LRRC4C: variants seen among roughly 807,000 people sequenced by gnomAD.
The protein encoded by LRRC4C is leucine rich repeat containing 4C, also known as leucine-rich repeat-containing protein 4C.
In LRRC4C, 5 loss-of-function variants were observed where a neutral mutation model predicts 33.6. That is an observed-to-expected ratio of 0.15 (90% confidence interval 0.08 to 0.31). The LOEUF is 0.31. Ranked by LOEUF, LRRC4C falls within the 10% of genes least tolerant of loss-of-function variation. The pLI is 1.00. For synonymous variants in LRRC4C, 329 were observed against 302.0 expected, an observed-to-expected ratio of 1.09 and a Z score of -0.93; for missense variants, 560 against 796.7, an observed-to-expected ratio of 0.70 and a Z score of 3.58.
chr11:40,408,130 C>T (rs1950025578), intron 3 of LRRC4C, among the ~76,000 whole-genome samples: 1 of 151,968 alleles, frequency 6.6e-6, no homozygotes, highest in Non-Finnish European at 1.5e-5. Context: ...GAGATTCCTA[C>T]TGAAGCTCTT....
At chr11:41,256,895 AGCTCCAGAG>A (rs1197079182) in intron 1 of LRRC4C, among the ~76,000 whole-genome samples, 2 of 152,058 alleles carry the variant, frequency 1.3e-5, no homozygotes, top group Admixed American at 6.6e-5. Context: ...TTATATATAA[AGCTCCAGAG>A]GTCTTCAGAC....
chr11:40,866,939 C>T (rs1954396565), intron 2 of LRRC4C, among the ~76,000 whole-genome samples: 1 of 151,994 alleles, frequency 6.6e-6, no homozygotes, highest in African/African-American at 2.4e-5. Flanking sequence ...TATATTTGCT[C>T]CTTTTGTTCC....
chr11:41,159,987 T>C (rs1944395669), intron 1 of LRRC4C, among the ~76,000 whole-genome samples: 1 of 151,700 alleles, frequency 6.6e-6, no homozygotes, highest in African/African-American at 2.4e-5. Flanking sequence ...CTCCAGAAAA[T>C]AGAGACCAAA....
At chr11:40,973,357 A>G (rs1420511733) in intron 1 of LRRC4C, among the ~76,000 whole-genome samples, 1 of 152,172 alleles carries the variant, frequency 6.6e-6, no homozygotes, top group Non-Finnish European at 1.5e-5. Context: ...AAATAAAGGA[A>G]ACAAACAAAA....
chr11:40,490,299 T>TAATAA (rs1466033259), intron 3 of LRRC4C, among the ~76,000 whole-genome samples: 1 of 152,132 alleles, frequency 6.6e-6, no homozygotes, highest in East Asian at 1.9e-4. Flanking sequence ...AAAGCACTCA[T>TAATAA]CTGCCTTTTC....
intron 2 of LRRC4C, among the ~76,000 whole-genome samples, chr11:40,751,326 T>C (rs1348349678): frequency 6.6e-6 from 1 of 152,082 alleles, no homozygotes; most frequent in Non-Finnish European, 1.5e-5. Flanking sequence ...GAAAGTCAAA[T>C]TGCCCCTCTG....
chr11:40,957,807 A>G (rs1959028536), intron 1 of LRRC4C, among the ~76,000 whole-genome samples: 1 of 151,642 alleles, frequency 6.6e-6, no homozygotes, highest in Non-Finnish European at 1.5e-5. Flanking sequence ...ATTTCTGCCA[A>G]TTTCCATTCT....
intron 5 of LRRC4C, among the ~76,000 whole-genome samples, chr11:40,145,527 C>T (rs1027433609): frequency 2.6e-5 from 4 of 152,078 alleles, no homozygotes; most frequent in Admixed American, 2.6e-4. Flanking sequence ...CGGAATAGTT[C>T]ATTCAGTTAC....
At chr11:40,730,347 T>G (rs943508083) in intron 2 of LRRC4C, among the ~76,000 whole-genome samples, 1 of 152,102 alleles carries the variant, frequency 6.6e-6, no homozygotes, top group South Asian at 2.1e-4. Flanking sequence ...AACCACTACA[T>G]TTTTTCTGTT....
intron 1 of LRRC4C, among the ~76,000 whole-genome samples, chr11:41,017,565 C>T (rs747833436): frequency 5.3e-5 from 8 of 151,768 alleles, no homozygotes; most frequent in Non-Finnish European, 8.8e-5. Flanking sequence ...ATCTAGAGAC[C>T]GAGGTTATAG....
At chr11:40,765,687 TA>T (rs1949417076) in intron 2 of LRRC4C, among the ~76,000 whole-genome samples, 1 of 151,728 alleles carries the variant, frequency 6.6e-6, no homozygotes, top group South Asian at 2.1e-4. Context: ...ATGTATATAC[TA>T]AAGATATATC....
intron 2 of LRRC4C, among the ~76,000 whole-genome samples, chr11:40,781,147 AG>A (rs1216186944): frequency 2.0e-5 from 3 of 152,130 alleles, no homozygotes; most frequent in Non-Finnish European, 4.4e-5. Context: ...TGAATATGGC[AG>A]GCAATTGTAA....
At chr11:41,392,396 A>C (rs192314551) in intron 1 of LRRC4C, among the ~76,000 whole-genome samples, 6 of 151,934 alleles carry the variant, frequency 3.9e-5, no homozygotes, top group African/African-American at 1.2e-4. Flanking sequence ...TGGGCTCTGT[A>C]TATTTCAATA....
chr11:40,790,153 A>T (rs138285726), intron 2 of LRRC4C, among the ~76,000 whole-genome samples: 1 of 152,322 alleles, frequency 6.6e-6, no homozygotes, highest in East Asian at 1.9e-4. Flanking sequence ...ACCCACAGAA[A>T]ATATTTCGTA....
intron 2 of LRRC4C, among the ~76,000 whole-genome samples, chr11:40,800,054 A>G (rs2135268044): frequency 6.6e-6 from 1 of 152,338 alleles, no homozygotes; most frequent in South Asian, 2.1e-4. Flanking sequence ...ACAATGTTTT[A>G]GTACAGATAT....
intron 2 of LRRC4C, among the ~76,000 whole-genome samples, chr11:40,818,435 A>G (rs1951793346): frequency 2.0e-5 from 3 of 152,124 alleles, no homozygotes; most frequent in Admixed American, 2.0e-4. Flanking sequence ...AATATATCAA[A>G]TAAGCTCTGG....
intron 1 of LRRC4C, among the ~76,000 whole-genome samples, chr11:41,001,981 T>A (rs965782198): frequency 8.5e-5 from 13 of 152,126 alleles, no homozygotes. Flanking sequence ...GTCAGGCAAC[T>A]GCCTAGATTT....
chr11:40,204,664 A>G lies in LRRC4C; in HGVS notation c.-96+36855T>C, dbSNP rs1431670711. ...TTTTCCCTTTGGATAAAGACAATTGATAAATACAGATGGCTTATGACTTCC... is the reference window on the plus strand; with the variant it reads ...TTTTCCCTTTGGATAAAGACAATTGGTAAATACAGATGGCTTATGACTTCC... On this transcript the variant is annotated intron_variant, in intron 5 of 6. Coordinates refer to ENST00000528697, the MANE Select transcript of LRRC4C (RefSeq NM_001258419.2). Among the ~76,000 whole-genome samples the G allele has an allele frequency of 2.6e-5, 4 of 152,182 alleles. No individual in the cohort carries two copies. In the South Asian group the frequency reaches 8.3e-4, roughly 31 times the overall value.
intron 3 of LRRC4C, among the ~76,000 whole-genome samples, chr11:40,466,769 A>T (rs1222278275): frequency 8.6e-5 from 13 of 152,046 alleles, no homozygotes; most frequent in Non-Finnish European, 1.6e-4. Flanking sequence ...CAAAGAAAGG[A>T]TATTTTACTG....
Sources: allele counts gnomAD v4.1 joint callset (sites outside exome capture counted in the v4.1 genomes callset), GRCh38; gene constraint gnomAD v4.1.1; transcripts MANE v1.5; gene names NCBI Gene and HGNC (gene_info 2026-07-23, HGNC 2026-07-21).